ZFP2: variants seen among roughly 807,000 people sequenced by gnomAD.
The protein encoded by ZFP2 is ZFP2 zinc finger protein.
ZFP2 carries 33 observed loss-of-function variants against 36.1 expected under a neutral mutation model. That is an observed-to-expected ratio of 0.92 (90% CI 0.69 to 1.22). ZFP2 has a LOEUF of 1.22. ZFP2 is among the 50% of genes most tolerant of loss of function. The pLI is 0.00. For missense variants in ZFP2, 522 were observed against 551.4 expected (o/e 0.95, Z 0.53); for synonymous variants, 170 against 178.0 (o/e 0.96, Z 0.36).
At chr5:178,903,718 C>CCAA (rs1214686253) in intron 1 of ZFP2, among the ~76,000 whole-genome samples, 2 of 152,170 alleles carry the variant, frequency 1.3e-5, no homozygotes, top group East Asian at 3.9e-4. Context: ...GCCTGTAATC[C>CCAA]CAACACTTTG....
At chr5:178,899,696 A>G (rs899099604) in intron 1 of ZFP2, among the ~76,000 whole-genome samples, 6 of 152,162 alleles carry the variant, frequency 3.9e-5, no homozygotes, top group Non-Finnish European at 7.4e-5. Flanking sequence ...GGAGGGAAGC[A>G]TGGAGCTGGG....
At chr5:178,921,266 G>T (rs1292548759) in intron 4 of ZFP2, among the ~76,000 whole-genome samples, 2 of 152,126 alleles carry the variant, frequency 1.3e-5, no homozygotes, top group Admixed American at 6.6e-5. Flanking sequence ...GTCTATGTCC[G>T]CAGTAGTTTC....
chr5:178,929,574 C>G (rs897835300), intron 4 of ZFP2, among the ~76,000 whole-genome samples: 1 of 152,166 alleles, frequency 6.6e-6, no homozygotes, highest in African/African-American at 2.4e-5. Context: ...TGCTGCAGTT[C>G]CCAGTAAGTT....
chr5:178,902,225 G>A (rs1037326297), intron 1 of ZFP2, among the ~76,000 whole-genome samples: 1 of 152,128 alleles, frequency 6.6e-6, no homozygotes, highest in Non-Finnish European at 1.5e-5. Context: ...ACATGTTTGT[G>A]TATATATATT....
chr5:178,910,253 G>A, intron 1 of ZFP2: 2 of 1,559,932 alleles, frequency 1.3e-6, no homozygotes, highest in Non-Finnish European at 1.8e-6. Flanking sequence ...GGAATTCTGT[G>A]GGGTCGACAC....
At position 178,931,241 on chromosome 5, in the gene ZFP2, G is replaced by T. The variant is rs142414417; in HGVS notation, c.-73G>T. 4 of 1,514,714 alleles carry T rather than the reference G, an allele frequency of 2.6e-6. No homozygotes were observed. The highest frequency in any genetic ancestry group is 1.4e-5 in the African/African-American group (1 of 71,340). The allele number at this position is 1,514,714 out of a possible 1,614,324, so 93.8% of individuals were successfully genotyped here. A position where few individuals can be genotyped will look rare whatever the true frequency, so the allele number is the denominator to read the frequency against. On this transcript the variant is annotated 5_prime_UTR_variant, in exon 5 of 5. Transcript: ENST00000361362. ...TGAATTTTTTTTTTTTTTCAGACTG[G>T]GAGACAAGACTTGAAACCAAAGAGC...
At chr5:178,917,350 C>G (rs1215953295) in intron 4 of ZFP2, among the ~76,000 whole-genome samples, 2 of 152,128 alleles carry the variant, frequency 1.3e-5, no homozygotes, top group East Asian at 3.9e-4. Flanking sequence ...CGTCGTGGCT[C>G]ACACCTGTAA....
chr5:178,932,644 GA>G lies in ZFP2; in HGVS notation c.1335del (p.Ala446ProfsTer28). The G allele has an allele frequency of 6.2e-7, 1 of 1,613,170 alleles. No individual in the cohort carries two copies. Among genetic ancestry groups the G allele is most frequent in the Non-Finnish European group, 8.5e-7 (1 of 1,179,680 alleles). Reference protein sequence around the residue: ...GEKPYQCNECGKAFSRSTNLT... With the variant: ...GEKPYQCNECXKAFSRSTNLT... ...AAACCCTATCAGTGTAATGAATGCG[GA>G]AAAGCCTTCAGCCGGAGTACAAACC... On this transcript the variant is annotated frameshift_variant, in exon 5 of 5. Transcript: ENST00000361362. LOFTEE classifies it high-confidence loss of function.
At chr5:178,897,706 T>C (rs915135503) in intron 1 of ZFP2, among the ~76,000 whole-genome samples, 3 of 152,178 alleles carry the variant, frequency 2.0e-5, no homozygotes, top group Non-Finnish European at 4.4e-5. Context: ...TTGGTAGAAT[T>C]TTAATTTGTT....
Position 178,933,186 on chromosome 5 carries a change from T to C in ZFP2, c.*487T>C, listed in dbSNP as rs1758885029. On this transcript the variant is annotated 3_prime_UTR_variant, in exon 5 of 5. Transcript: ENST00000361362. ...TCTGTTAGCTCTAAAATGCTACAAC[T>C]CTATAAATATAATGAATGCTGGGAA... 1.2e-5 allele frequency: 2 copies of C among 169,618 alleles called. No homozygotes were observed. Among genetic ancestry groups the C allele is most frequent in the Non-Finnish European group, 1.4e-5 (1 of 69,888 alleles). 10.5% of individuals were successfully genotyped at this position (169,618 alleles called of 1,614,324 possible).
intron 1 of ZFP2, among the ~76,000 whole-genome samples, chr5:178,911,647 A>AT (rs1758300954): frequency 6.6e-6 from 1 of 152,202 alleles, no homozygotes; most frequent in Admixed American, 6.5e-5. Flanking sequence ...TTACACATGG[A>AT]TTTTAGACTG....
intron 1 of ZFP2, among the ~76,000 whole-genome samples, chr5:178,905,823 C>T (rs1298604615): frequency 1.3e-5 from 2 of 151,896 alleles, no homozygotes; most frequent in African/African-American, 4.8e-5. Flanking sequence ...GTGATCTCAG[C>T]CCACTGCAAC....
At chr5:178,909,961 A>G in intron 1 of ZFP2, 2 of 1,402,854 alleles carry the variant, frequency 1.4e-6, no homozygotes, top group African/African-American at 1.4e-5. Flanking sequence ...CATTGGTCCA[A>G]TACTGGAGAA....
rs749673081 is a variant in ZFP2 at position 178,932,413 on chromosome 5, C to G, written c.1100C>G (p.Ser367Ter). 5 of 1,614,062 alleles carry G rather than the reference C, an allele frequency of 3.1e-6. No individual in the cohort carries two copies. In the Admixed American group the frequency reaches 6.7e-5, roughly 22 times the overall value. Residue 367 changes from serine (S) to a stop codon, truncating the protein, a stop_gained, in exon 5 of 5, where the codon TCA becomes TGA. Transcript: ENST00000361362. LOFTEE classifies it high-confidence loss of function. ...MVCGKHFTGRSSLTVHQVIHT... is the reference protein window; with the variant it reads ...MVCGKHFTGR ...TGTGGAAAACATTTCACTGGACGAT[C>G]ATCCCTTACCGTGCATCAGGTCATT...
At chr5:178,906,809 C>T (rs113174206) in intron 1 of ZFP2, among the ~76,000 whole-genome samples, 79 of 151,960 alleles carry the variant, frequency 5.2e-4, no homozygotes, top group African/African-American at 4.1e-4. Flanking sequence ...CCACCCACCT[C>T]AGCCTCCGAA....
At chr5:178,901,365 C>T (rs1033433814) in intron 1 of ZFP2, among the ~76,000 whole-genome samples, 4 of 152,142 alleles carry the variant, frequency 2.6e-5, no homozygotes, top group South Asian at 4.1e-4. Flanking sequence ...TTGAGTGGCT[C>T]GAAACAATAG....
At chr5:178,920,505 C>T (rs903493123) in intron 4 of ZFP2, among the ~76,000 whole-genome samples, 4 of 151,966 alleles carry the variant, frequency 2.6e-5, no homozygotes, top group African/African-American at 7.3e-5. Context: ...GGCATGGTGG[C>T]GTGTACCTGT....
chr5:178,899,830 C>G (rs1758018684), intron 1 of ZFP2, among the ~76,000 whole-genome samples: 2 of 151,712 alleles, frequency 1.3e-5, no homozygotes, highest in Admixed American at 6.6e-5. Flanking sequence ...ATACTGAAGA[C>G]TTAACGGCAT....
At chr5:178,910,850 C>T (rs889084619) in intron 1 of ZFP2, among the ~76,000 whole-genome samples, 4 of 152,222 alleles carry the variant, frequency 2.6e-5, no homozygotes, top group Admixed American at 2.0e-4. Context: ...CCACTGCCAC[C>T]GCCTCCTTCA....
Sources: gnomAD v4.1 joint callset for allele counts (sites outside exome capture counted in the v4.1 genomes callset) on GRCh38, gnomAD v4.1.1 for gene constraint, MANE v1.5 for transcripts, NCBI Gene and HGNC (gene_info 2026-07-23, HGNC 2026-07-21) for gene names.